Variants in ADGRG5 observed in about 807,000 individuals in gnomAD.
The protein encoded by ADGRG5 is G protein-coupled receptor 114.
A neutral mutation model predicts 53.2 loss-of-function variants in ADGRG5; 37 were observed. The observed-to-expected ratio is 0.70, with a 90% confidence interval of 0.53 to 0.91. ADGRG5 has a LOEUF of 0.91. Ranked by LOEUF, ADGRG5 falls within the 40% of genes least tolerant of loss-of-function variation. ADGRG5 has a pLI of 0.00. For synonymous variants in ADGRG5, 277 were observed against 290.4 expected (o/e 0.95, Z 0.47); for missense variants, 614 against 675.8 (o/e 0.91, Z 1.01).
intron 1 of ADGRG5, among the ~76,000 whole-genome samples, chr16:57,544,235 T>C (rs1419020099): frequency 6.6e-6 from 1 of 152,150 alleles, no homozygotes; most frequent in Non-Finnish European, 1.5e-5. Context: ...TTACGCAGTA[T>C]TCGGTTTCCC....
At chr16:57,563,031 C>A (rs1400026634) in intron 3 of ADGRG5, 60 bp from the exon 4 acceptor site, 38 of 1,588,528 alleles carry the variant, frequency 2.4e-5, no homozygotes, top group South Asian at 1.9e-4. Context: ...GTCTACAGCC[C>A]CCTCTCACCC....
chr16:57,554,590 A>C (rs1238630944), intron 1 of ADGRG5, among the ~76,000 whole-genome samples: 4 of 152,000 alleles, frequency 2.6e-5, no homozygotes, highest in East Asian at 1.9e-4. Flanking sequence ...GTTAGCCAGG[A>C]TGGTCTCAAT....
intron 8 of ADGRG5, 66 bp from the exon 9 acceptor site, chr16:57,567,790 C>A: frequency 1.3e-6 from 2 of 1,540,902 alleles, no homozygotes. Flanking sequence ...TGCACCTATG[C>A]ACCCAGTGGG....
chr16:57,541,711 G>C (rs2032493684), upstream of ADGRG5, among the ~76,000 whole-genome samples: 1 of 152,192 alleles, frequency 6.6e-6, no homozygotes, highest in African/African-American at 2.4e-5. Context: ...TCCTGAGTCA[G>C]TTTTCCCAGG....
upstream of ADGRG5, among the ~76,000 whole-genome samples, chr16:57,541,816 A>G (rs1487174152): frequency 6.6e-6 from 1 of 152,062 alleles, no homozygotes; most frequent in African/African-American, 2.4e-5. Flanking sequence ...TTTCCCTTAG[A>G]GCTCTTCAGA....
Position 57,574,822 on chromosome 16 carries a change from G to T in ADGRG5, c.1216G>T (p.Val406Leu). The T allele has an allele frequency of 6.3e-7, 1 of 1,578,626 alleles. No homozygotes were observed. Among genetic ancestry groups the T allele is most frequent in the Non-Finnish European group, 8.6e-7 (1 of 1,159,010 alleles). Reference protein sequence around the residue: ...TGFQNMSICWVRSPVVHSVLV... With the variant: ...TGFQNMSICWLRSPVVHSVLV... Reference sequence around the variant, plus strand: ...CGTCACCCTCCCCTGCAGATGCTGGGTGCGGAGCCCCGTGGTGCACAGTGT... The same window carrying T: ...CGTCACCCTCCCCTGCAGATGCTGGTTGCGGAGCCCCGTGGTGCACAGTGT... The change falls in exon 11 of 12, where the codon GTG becomes TTG. Residue 406 changes from valine to leucine, a missense_variant. Val to Leu is a conservative substitution (Grantham distance 32). Transcript: ENST00000349457. This position sits in a 1 kb window ranked among gnomAD's most constrained non-coding sequence, Gnocchi z 4.4.
At chr16:57,544,085 C>A (rs1222333264) in intron 1 of ADGRG5, among the ~76,000 whole-genome samples, 3 of 152,140 alleles carry the variant, frequency 2.0e-5, no homozygotes, top group Admixed American at 2.0e-4. Context: ...TAGAGTCTTA[C>A]TTGTCTGCAA....
At chr16:57,568,826 CCACCTCCAT>C (rs1418997667) in intron 9 of ADGRG5, among the ~76,000 whole-genome samples, 89 of 145,328 alleles carry the variant, frequency 6.1e-4, no homozygotes, top group African/African-American at 2.1e-3. Flanking sequence ...ACCACCTCCT[CCACCTCCAT>C]CACCTCCATC....
At chr16:57,530,283 G>GC in the ADGRG5 span, among the ~76,000 whole-genome samples, 1 of 152,060 alleles carries the variant, frequency 6.6e-6, no homozygotes, top group South Asian at 2.1e-4. Context: ...TATGGGCCAT[G>GC]CCCCCCTCCT....
At chr16:57,536,523 C>T in the ADGRG5 span, 1 of 152,256 alleles carries the variant, frequency 6.6e-6, no homozygotes, top group South Asian at 2.1e-4. Flanking sequence ...TTGCGGGCTC[C>T]GTACGTCCCA....
At chr16:57,553,481 G>A (rs2032800298) in intron 1 of ADGRG5, among the ~76,000 whole-genome samples, 1 of 151,922 alleles carries the variant, frequency 6.6e-6, no homozygotes. Context: ...AAAATTAATC[G>A]ACAAAAATCA....
Position 57,574,769 on chromosome 16 carries a change from G to A in ADGRG5, c.1209-46G>A, listed in dbSNP as rs369447768. ...CAGGGAGTGATGCTGGCCTCCCCGC[G>A]GGCCTGGGAGCCACTGTGAGCCTGA... On this transcript the variant is annotated intron_variant, in intron 10 of 11. Transcript: ENST00000349457. The surrounding 1 kb of genome is among the most constrained non-coding windows in gnomAD (Gnocchi z 4.4). 85 of 1,520,954 alleles carry A rather than the reference G, an allele frequency of 5.6e-5. No homozygotes were observed. In the African/African-American group the frequency reaches 9.9e-4, roughly 18 times the overall value. 94.2% of individuals were successfully genotyped at this position (1,520,954 alleles called of 1,614,324 possible).
At chr16:57,537,272 G>A in the ADGRG5 span, among the ~76,000 whole-genome samples, 1 of 151,546 alleles carries the variant, frequency 6.6e-6, no homozygotes, top group African/African-American at 2.4e-5. Flanking sequence ...ACAGGCGTCT[G>A]GAGGACTCCC....
intron 1 of ADGRG5, among the ~76,000 whole-genome samples, chr16:57,551,970 T>C (rs1381381584): frequency 6.6e-6 from 1 of 152,170 alleles, no homozygotes; most frequent in Non-Finnish European, 1.5e-5. Flanking sequence ...TGCATCTCCA[T>C]CAGAGCTCTT....
intron 10 of ADGRG5, among the ~76,000 whole-genome samples, chr16:57,572,640 C>A (rs1369112981): frequency 6.6e-6 from 1 of 151,936 alleles, no homozygotes; most frequent in Non-Finnish European, 1.5e-5. Context: ...TGCAGTGAGC[C>A]GAGATTGCGG....
chr16:57,563,252 G>A lies in ADGRG5; in HGVS notation c.297+5G>A, dbSNP rs1429703636. On this transcript the variant is annotated splice_donor_5th_base_variant and intron_variant, in intron 4 of 11. Transcript: ENST00000349457. ...ACTCTGAAGCGGGTGCCCCAGGTCA[G>A]AGGCTGCGGGTTGGGGGGTGTGGCC... 2 of 1,613,272 alleles carry A rather than the reference G, an allele frequency of 1.2e-6. No individual in the cohort carries two copies. Among genetic ancestry groups the A allele is most frequent in the Non-Finnish European group, 1.7e-6 (2 of 1,179,892 alleles).
At position 57,562,435 on chromosome 16, in the gene ADGRG5, G is replaced by T. The variant is rs1181619317; in HGVS notation, c.116G>T (p.Gly39Val). ...SYMENMQVSR[G>V]RSSVFSSRQL... The stretch of plus-strand genomic sequence containing the variant: ...ATGGAGAATATGCAGGTGTCCAGGG[G>T]CCGGAGCTCAGTTTTTTCCTCTCGG... Residue 39 changes from glycine (G) to valine (V), a missense_variant, in exon 3 of 12, where the codon GGC becomes GTC. Physicochemically the swap from Gly to Val is moderately radical, Grantham distance 109. Coordinates refer to ENST00000349457, the MANE Select transcript of ADGRG5 (RefSeq NM_001304376.3). 1.9e-6 allele frequency: 3 copies of T among 1,606,078 alleles called. No individual in the cohort carries two copies. Among genetic ancestry groups the T allele is most frequent in the Non-Finnish European group, 2.5e-6 (3 of 1,176,620 alleles).
At chr16:57,562,525 G>T in intron 3 of ADGRG5, 66 bp downstream of exon 3, 8 of 1,066,312 alleles carry the variant, frequency 7.5e-6, no homozygotes, top group Admixed American at 4.5e-5. Context: ...TTAGTCTAAT[G>T]TAGACTCTTA....
the ADGRG5 span, among the ~76,000 whole-genome samples, chr16:57,529,724 G>T: frequency 6.6e-6 from 1 of 152,146 alleles, no homozygotes; most frequent in Non-Finnish European, 1.5e-5. This position sits in a 1 kb window ranked among gnomAD's most constrained non-coding sequence, Gnocchi z 4.1. Context: ...ACTCTTCTGA[G>T]GTATCACTTC....
Sources: gnomAD v4.1 joint callset for allele counts (sites outside exome capture counted in the v4.1 genomes callset) on GRCh38, gnomAD v4.1.1 for gene constraint, Gnocchi (gnomAD v3.1) non-coding constraint, MANE v1.5 for transcripts, NCBI Gene and HGNC (gene_info 2026-07-23, HGNC 2026-07-21) for gene names.